Variants in OPTN observed in about 807,000 individuals in gnomAD.
OPTN encodes E3-14.7K-interacting protein.
In OPTN, 54 loss-of-function variants were observed where a neutral mutation model predicts 70.4. The observed-to-expected ratio is 0.77, with a 90% confidence interval of 0.62 to 0.96. The LOEUF (loss-of-function observed/expected upper bound fraction) is 0.96, where lower values mean the gene tolerates loss of function less well. Ranked by LOEUF, OPTN falls within the 40% of genes least tolerant of loss-of-function variation. The pLI is 0.00. For missense variants in OPTN, 624 were observed against 673.2 expected (o/e 0.93, Z 0.81); for synonymous variants, 256 against 248.5 (o/e 1.03, Z -0.28).
intron 5 of OPTN, among the ~76,000 whole-genome samples, chr10:13,113,823 T>C (rs1403159711): frequency 6.6e-6 from 1 of 151,928 alleles, no homozygotes; most frequent in Non-Finnish European, 1.5e-5. Flanking sequence ...TTTGGGAGGC[T>C]GAGGAGGCAG....
rs771767144 is a variant in OPTN at position 13,126,283 on chromosome 10, C to CCTTTTTTTTTTTTTTTTTTTTTTTT, written c.1242+244_1242+245insCTTTTTTTTTTTTTTTTTTTTTTTT. On this transcript the variant is annotated intron_variant, in intron 11 of 14. Coordinates refer to ENST00000378747, the MANE Select transcript of OPTN (RefSeq NM_001008212.2). ...GTCAGGGATTAAGCACTTCGTATTT[C>CCTTTTTTTTTTTTTTTTTTTTTTTT]TTTTTTTTTTTTTTTGAGACGGAGT... 2.7e-4 allele frequency among the ~76,000 whole-genome samples: 38 copies of CCTTTTTTTTTTTTTTTTTTTTTTTT among 139,066 alleles called. 1 individual carries two copies. The highest frequency in any genetic ancestry group is 9.5e-4 in the African/African-American group (35 of 36,724). 91.2% of individuals were successfully genotyped at this position (139,066 alleles called of 152,430 possible). A position where few individuals can be genotyped will look rare whatever the true frequency, so the allele number is the denominator to read the frequency against.
At chr10:13,132,722 G>A (rs1353227535) in intron 13 of OPTN, among the ~76,000 whole-genome samples, 9 of 152,036 alleles carry the variant, frequency 5.9e-5, no homozygotes, top group Admixed American at 3.9e-4. Context: ...TCTTGCCATC[G>A]TCACGGATGA....
At chr10:13,108,946 C>A in intron 2 of OPTN, 166 bp from the exon 3 acceptor site, 1 of 713,472 alleles carries the variant, frequency 1.4e-6, no homozygotes, top group Non-Finnish European at 2.5e-6. Context: ...CTACATATAC[C>A]TTTTTTGTTT....
intron 7 of OPTN, among the ~76,000 whole-genome samples, chr10:13,122,091 CACAA>C (rs1231060362): frequency 1.3e-5 from 2 of 152,184 alleles, no homozygotes; most frequent in East Asian, 1.9e-4. Flanking sequence ...CATGTGTAAA[CACAA>C]ACAATTTCAA....
At chr10:13,125,082 T>C (rs957806386) in intron 9 of OPTN, among the ~76,000 whole-genome samples, 1 of 152,192 alleles carries the variant, frequency 6.6e-6, no homozygotes, top group Non-Finnish European at 1.5e-5. Flanking sequence ...ATAAAAGATA[T>C]CCACACATCA....
chr10:13,117,431 GAGATGGAGTTTTTTTTTTTTTTT>G (rs1833241439), intron 6 of OPTN, among the ~76,000 whole-genome samples: 1 of 35,178 alleles, frequency 2.8e-5, no homozygotes, highest in Non-Finnish European at 6.6e-5. Context: ...TTTTTTTTTT[GAGATGGAGTTTTTTTTTTTTTTT>G]TTTTTTTTTG....
In OPTN at chr10:13,137,087, T is replaced by C; in HGVS notation, c.*221T>C. The C allele has an allele frequency of 1.8e-6, 1 of 552,254 alleles. No individual in the cohort carries two copies. 34.2% of individuals were successfully genotyped at this position (552,254 alleles called of 1,614,324 possible). On this transcript the variant is annotated 3_prime_UTR_variant, in exon 15 of 15. Transcript: ENST00000378747. ...TTGGGGTCAGGGTTTGAGACCAGCC[T>C]GGCCAACATGGCGGAACCCTGTCTC...
chr10:13,131,399 T>A (rs2131527315), intron 12 of OPTN: 1 of 152,910 alleles, frequency 6.5e-6, no homozygotes, highest in African/African-American at 2.4e-5. Flanking sequence ...TGGAGCCATC[T>A]TAGGAGGCTG....
intron 12 of OPTN, among the ~76,000 whole-genome samples, chr10:13,128,282 T>A (rs1833511149): frequency 6.6e-6 from 1 of 152,064 alleles, no homozygotes; most frequent in African/African-American, 2.4e-5. Context: ...TTTTCCAGAG[T>A]GGTTGGACCA....
chr10:13,125,566 AAGTG>A lies in OPTN; in HGVS notation c.1148+3_1148+6del. 1 of 1,614,192 alleles carries A rather than the reference AAGTG, an allele frequency of 6.2e-7. No homozygotes were observed. Among genetic ancestry groups the A allele is most frequent in the Non-Finnish European group, 8.5e-7 (1 of 1,180,014 alleles). ...GGAACAGGCTAAAACAGAGGATGAA[AAGTG>A]AGTATGTTGAGTCAGAAGGGCAGCG... On this transcript the variant is annotated splice_donor_variant and splice_donor_region_variant and coding_sequence_variant and intron_variant, in exon 10 of 15. Coordinates refer to ENST00000378747, the MANE Select transcript of OPTN (RefSeq NM_001008212.2). LOFTEE classifies it high-confidence loss of function.
intron 11 of OPTN, 124 bp from the exon 12 acceptor site, chr10:13,127,621 C>A: frequency 9.6e-7 from 1 of 1,042,966 alleles, no homozygotes; most frequent in Non-Finnish European, 1.4e-6. Context: ...CCTCTCAATT[C>A]TAGGCATGAG....
chr10:13,136,634 G>T (rs1271668675), intron 14 of OPTN, 111 bp from the exon 15 acceptor site: 1 of 1,278,346 alleles, frequency 7.8e-7, no homozygotes, highest in South Asian at 1.3e-5. Context: ...GTCCCACTAC[G>T]TGTTGAATAC....
rs1382848990 is a variant in OPTN, at chr10:13,128,784, C to A, written c.1401+881C>A. ...TCTCAAACTCCTGACCTCAGGTGAT[C>A]CACCCACTTCCACCTCCCAGAGTGC... On this transcript the variant is annotated intron_variant, in intron 12 of 14. Transcript: ENST00000378747. Among the ~76,000 whole-genome samples the A allele has an allele frequency of 2.0e-5, 3 of 151,894 alleles. No homozygotes were observed. The East Asian group carries it at 5.8e-4, about 29-fold the overall frequency.
chr10:13,103,757 C>CAG lies in OPTN; in HGVS notation c.-164+3456_-164+3457insGA, dbSNP rs561496365. Among the ~76,000 whole-genome samples, 601 of 151,664 alleles carry CAG rather than the reference C, an allele frequency of 4.0e-3. 5 individuals are homozygous for CAG. The highest frequency in any genetic ancestry group is 0.014 in the African/African-American group (560 of 41,012). On this transcript the variant is annotated intron_variant, in intron 1 of 14. Transcript: ENST00000378747. ...ACACACACATGCACACACACACACA[C>CAG]ACACACACACAATCAGGAATTGAGA... is the stretch of plus-strand genomic sequence containing the variant.
At chr10:13,114,989 CTATATTTATATATATTTATATATA>C (rs1298243449) in intron 5 of OPTN, among the ~76,000 whole-genome samples, 4 of 20,740 alleles carry the variant, frequency 1.9e-4, no homozygotes, top group African/African-American at 5.5e-4. Context: ...ATAGATATAT[CTATATTTATATATATTTATATATA>C]TAGATATATC....
At chr10:13,129,115 A>G (rs1833536345) in intron 12 of OPTN, among the ~76,000 whole-genome samples, 1 of 152,160 alleles carries the variant, frequency 6.6e-6, no homozygotes, top group South Asian at 2.1e-4. Context: ...TGTACAAACC[A>G]TTTGAAATTG....
intron 4 of OPTN, 112 bp from the exon 5 acceptor site, chr10:13,112,341 T>A: frequency 9.7e-7 from 1 of 1,033,086 alleles, no homozygotes; most frequent in Non-Finnish European, 1.5e-6. Context: ...AATCCTGGCC[T>A]CAAGGGATCC....
At chr10:13,103,151 G>T (rs924726133) in intron 1 of OPTN, among the ~76,000 whole-genome samples, 1 of 152,028 alleles carries the variant, frequency 6.6e-6, no homozygotes, top group South Asian at 2.1e-4. Flanking sequence ...TAATGACGAG[G>T]CTGCTTTTAC....
In OPTN at chr10:13,124,033, A is replaced by G. The variant is rs1239179793; in HGVS notation, c.921A>G (p.Thr307=). The change falls in exon 9 of 15, where the codon ACA becomes ACG. Residue 307 remains threonine, a synonymous_variant. Coordinates refer to ENST00000378747, the MANE Select transcript of OPTN (RefSeq NM_001008212.2). ...TGGAAGCACTGAACCTCCAGGTGAC[A>G]TCTCTGTTTAAGGAGCTTCAAGAGG... The part of the protein sequence containing the change: ...SEVEALNLQV[T]SLFKELQEAH... 6.2e-7 allele frequency: 1 copy of G among 1,613,876 alleles called. No individual in the cohort carries two copies. The highest frequency in any genetic ancestry group is 8.5e-7 in the Non-Finnish European group (1 of 1,179,902).
Sources: allele counts gnomAD v4.1 joint callset (sites outside exome capture counted in the v4.1 genomes callset), GRCh38; gene constraint gnomAD v4.1.1; transcripts MANE v1.5; gene names NCBI Gene and HGNC (gene_info 2026-07-23, HGNC 2026-07-21).